The following IPO11 variants were observed in gnomAD, a reference collection of about 807,000 sequenced individuals.
IPO11 encodes the protein importin 11.
IPO11 carries 66 observed loss-of-function variants against 143.2 expected under a neutral mutation model. The observed-to-expected ratio is 0.46, with a 90% CI of 0.38 to 0.57. The LOEUF is 0.57. Among genes scored for constraint, IPO11 ranks in the 20% least tolerant of loss-of-function variants. IPO11 has a pLI of 0.00. For missense variants in IPO11, 1,026 were observed against 1,141.0 expected (o/e 0.90, Z 1.45); for synonymous variants, 385 against 377.8 (o/e 1.02, Z -0.22).
intron 20 of IPO11, 110 bp from the exon 21 acceptor site, chr5:62,526,032 T>C: frequency 2.9e-6 from 2 of 687,016 alleles, no homozygotes; most frequent in South Asian, 3.4e-5. Flanking sequence ...CCTAAAAATA[T>C]GATTCATTTT....
At chr5:62,456,593 A>G (rs1267809219) in intron 5 of IPO11, among the ~76,000 whole-genome samples, 1 of 152,184 alleles carries the variant, frequency 6.6e-6, no homozygotes, top group East Asian at 1.9e-4. Flanking sequence ...AGTAGCTGGG[A>G]CCACAGGCAC....
intron 26 of IPO11, among the ~76,000 whole-genome samples, chr5:62,551,966 T>C (rs933449160): frequency 6.6e-5 from 10 of 151,836 alleles, no homozygotes; most frequent in African/African-American, 2.4e-4. Context: ...CTACTAAAAA[T>C]ACAAAAAATT....
intron 29 of IPO11, among the ~76,000 whole-genome samples, chr5:62,619,499 A>T (rs112048646): frequency 0.093 from 14,112 of 152,216 alleles, 669 homozygotes; most frequent in South Asian, 0.15. Flanking sequence ...TCCTGGTAAA[A>T]TTTCTTATTG....
Position 62,435,164 on chromosome 5 carries a change from A to ATATATATGTG in IPO11, c.-6-2101_-6-2100insGTATATATGT, listed in dbSNP as rs1561309052. Among the ~76,000 whole-genome samples, 565 of 98,426 alleles carry ATATATATGTG rather than the reference A, an allele frequency of 5.7e-3. 37 individuals carry two copies. The highest frequency in any genetic ancestry group is 0.022 in the African/African-American group (542 of 24,538). 64.6% of individuals were successfully genotyped at this position (98,426 alleles called of 152,430 possible). ...TATATGTATATATGTATATATATGT[A>ATATATATGTG]TATATATGTATATATGTATATATAT... is the stretch of plus-strand genomic sequence containing the variant. On this transcript the variant is annotated intron_variant, in intron 1 of 29. Coordinates refer to ENST00000325324, the MANE Select transcript of IPO11 (RefSeq NM_016338.5).
chr5:62,495,271 T>G (rs1741095802), intron 16 of IPO11, among the ~76,000 whole-genome samples: 1 of 152,246 alleles, frequency 6.6e-6, no homozygotes, highest in Non-Finnish European at 1.5e-5. Context: ...TAGCTACTTC[T>G]AAAATTTCTA....
At chr5:62,464,414 C>T (rs988665550) in intron 5 of IPO11, among the ~76,000 whole-genome samples, 1 of 151,970 alleles carries the variant, frequency 6.6e-6, no homozygotes, top group Non-Finnish European at 1.5e-5. Flanking sequence ...GCTGGGATTA[C>T]AGGTGTGAGC....
At chr5:62,474,953 C>T (rs1386232698) in intron 8 of IPO11, among the ~76,000 whole-genome samples, 2 of 152,146 alleles carry the variant, frequency 1.3e-5, no homozygotes, top group Non-Finnish European at 2.9e-5. Context: ...TCTCCATACT[C>T]AGAATGGTGC....
In IPO11 at chr5:62,627,261, G is replaced by A; in HGVS notation, c.2871G>A (p.Met957Ile). Reference protein sequence around the residue: ...MLGEQGFQSLMETVDTEIVTQ... With the variant: ...MLGEQGFQSLIETVDTEIVTQ... ...GAGAACAAGGTTTCCAGTCCCTCAT[G>A]GAAACAGTGGATACGGAGATTGTCA... Residue 957 changes from methionine (M) to isoleucine (I), a missense_variant, in exon 30 of 30, where the codon ATG becomes ATA. By Grantham distance (10) the Met-to-Ile change is conservative. Coordinates refer to ENST00000325324, the MANE Select transcript of IPO11 (RefSeq NM_016338.5). 2 of 1,614,104 alleles carry A rather than the reference G, an allele frequency of 1.2e-6. No individual in the cohort carries two copies. The highest frequency in any genetic ancestry group is 1.7e-6 in the Non-Finnish European group (2 of 1,180,008).
At chr5:62,435,887 G>T (rs1744211224) in intron 1 of IPO11, among the ~76,000 whole-genome samples, 1 of 152,030 alleles carries the variant, frequency 6.6e-6, no homozygotes, top group Non-Finnish European at 1.5e-5. Context: ...AAATTAGCTG[G>T]GCTTGGTGGT....
chr5:62,446,954 G>A (rs1221319256), intron 3 of IPO11, among the ~76,000 whole-genome samples: 5 of 150,142 alleles, frequency 3.3e-5, no homozygotes, highest in African/African-American at 7.4e-5. Context: ...GCAACAGAGC[G>A]AGACTCTGAC....
chr5:62,623,470 G>C (rs913460220), intron 29 of IPO11, among the ~76,000 whole-genome samples: 5 of 152,152 alleles, frequency 3.3e-5, no homozygotes, highest in Non-Finnish European at 5.9e-5. Flanking sequence ...GATCCCAAGA[G>C]AGGGCTCTTG....
chr5:62,513,211 G>T (rs1741833019), intron 19 of IPO11, among the ~76,000 whole-genome samples: 1 of 151,864 alleles, frequency 6.6e-6, no homozygotes. Context: ...GCCAGGCGGG[G>T]CGCTGACCCC....
At chr5:62,427,823 G>C (rs953079913) in intron 1 of IPO11, among the ~76,000 whole-genome samples, 2 of 152,166 alleles carry the variant, frequency 1.3e-5, no homozygotes, top group African/African-American at 2.4e-5. Context: ...AAAGGTTGGG[G>C]GCTGGTGTCA....
intron 27 of IPO11, among the ~76,000 whole-genome samples, chr5:62,564,047 A>G (rs1327271244): frequency 6.6e-6 from 1 of 152,194 alleles, no homozygotes; most frequent in East Asian, 1.9e-4. Context: ...TAGCAAAGTC[A>G]TGTCATTTTT....
chr5:62,457,542 A>T (rs1745206666), intron 5 of IPO11, among the ~76,000 whole-genome samples: 1 of 152,164 alleles, frequency 6.6e-6, no homozygotes, highest in Non-Finnish European at 1.5e-5. Flanking sequence ...GGGTAAAAGA[A>T]TGCTGTGTGG....
rs1561380281 is a variant in IPO11 at position 62,598,379 on chromosome 5, G to GCTTTCTTT, written c.2679-3382_2679-3381insTCTTTCTT. On this transcript the variant is annotated intron_variant, in intron 28 of 29. Transcript: ENST00000325324. ...ATGTGAAACGACCCATAAATTGTTT[G>GCTTTCTTT]CTTGCTTGCTTGCTTTCTTTCTTTC... is the stretch of plus-strand genomic sequence containing the variant. 4.5e-4 allele frequency among the ~76,000 whole-genome samples: 22 copies of GCTTTCTTT among 48,574 alleles called. 1 individual carries two copies. Among genetic ancestry groups the GCTTTCTTT allele is most frequent in the Non-Finnish European group, 5.3e-4 (13 of 24,426 alleles). 31.9% of individuals were successfully genotyped at this position (48,574 alleles called of 152,430 possible).
At chr5:62,499,200 C>T (rs1414719777) in intron 16 of IPO11, among the ~76,000 whole-genome samples, 1 of 152,140 alleles carries the variant, frequency 6.6e-6, no homozygotes, top group Admixed American at 6.5e-5. Context: ...TGTGCTTTTA[C>T]ACAATCTGAG....
chr5:62,535,071 C>T (rs2112321031), intron 22 of IPO11, among the ~76,000 whole-genome samples: 1 of 140,298 alleles, frequency 7.1e-6, no homozygotes, highest in South Asian at 2.3e-4. Context: ...GATAACATGC[C>T]CAAGAAAATT....
At chr5:62,579,626 T>G (rs2112401585) in intron 27 of IPO11, 3 of 1,550,506 alleles carry the variant, frequency 1.9e-6, no homozygotes, top group East Asian at 2.4e-5. Context: ...GAAAGTACAG[T>G]TTTTCTGTAT....
Sources: allele counts gnomAD v4.1 joint callset (sites outside exome capture counted in the v4.1 genomes callset), GRCh38; gene constraint gnomAD v4.1.1; transcripts MANE v1.5; gene names NCBI Gene and HGNC (gene_info 2026-07-23, HGNC 2026-07-21).